Variants in STK32C observed in about 807,000 individuals in gnomAD.
STK32C encodes serine/threonine kinase 32C.
Under a neutral mutation model 56.5 loss-of-function variants are expected in STK32C, and 31 were observed. The ratio of observed to expected loss-of-function variants is 0.55; its 90% confidence interval spans 0.41 to 0.74. The LOEUF (loss-of-function observed/expected upper bound fraction) is 0.74. Among genes scored for constraint, STK32C ranks in the 30% least tolerant of loss-of-function variants. The pLI is 0.00. For synonymous variants in STK32C, 309 were observed against 289.4 expected (o/e 1.07, Z -0.69); for missense variants, 544 against 676.9 (o/e 0.80, Z 2.18).
chr10:132,269,309 G>C (rs751289499), intron 1 of STK32C, among the ~76,000 whole-genome samples: 2 of 152,236 alleles, frequency 1.3e-5, no homozygotes, highest in Non-Finnish European at 2.9e-5. Context: ...CAAGTGAGCT[G>C]ATTACGTGCC....
chr10:132,223,077 G>A (rs2062741475), intron 8 of STK32C, 91 bp from the exon 9 acceptor site: 3 of 1,470,476 alleles, frequency 2.0e-6, no homozygotes, highest in Admixed American at 4.3e-5. Context: ...CCTTGAGGAG[G>A]GTCCCACCAA....
chr10:132,273,955 C>A (rs1343466623), intron 1 of STK32C, among the ~76,000 whole-genome samples: 1 of 152,226 alleles, frequency 6.6e-6, no homozygotes, highest in African/African-American at 2.4e-5. Flanking sequence ...GCCAACTGCG[C>A]TTCTGACTTC....
At chr10:132,277,215 C>A (rs74161763) in intron 1 of STK32C, among the ~76,000 whole-genome samples, 11,949 of 152,314 alleles carry the variant, frequency 0.078, 739 homozygotes, top group African/African-American at 0.17. Context: ...ACCATCAAAA[C>A]CACCGAAGAC....
chr10:132,224,434 G>A lies in STK32C; in HGVS notation c.966C>T (p.Ser322=), dbSNP rs775169222. The A allele has an allele frequency of 1.3e-6, 2 of 1,556,212 alleles. No homozygotes were observed. The highest frequency in any genetic ancestry group is 2.4e-5 in the East Asian group (1 of 41,550). Residue 322 remains serine, a synonymous_variant, in exon 8 of 12, where the codon TCC becomes TCT. Coordinates refer to ENST00000298630, the MANE Select transcript of STK32C (RefSeq NM_173575.4). ...TVSVQYVPTW[S]KEMVALLRKL... is the part of the protein sequence containing the mutation. ...TCCGCAGCAAGGCCACCATCTCCTT[G>A]GACCACGTGGGGACATACTGGACGC... is the stretch of plus-strand genomic sequence containing the variant.
At chr10:132,228,610 G>A (rs966074617) in intron 2 of STK32C, among the ~76,000 whole-genome samples, 2 of 152,218 alleles carry the variant, frequency 1.3e-5, no homozygotes, top group East Asian at 1.9e-4. Context: ...CACCAGCCAC[G>A]ACCTGGGCAT....
chr10:132,318,354 G>T (rs2066346541), intron 1 of STK32C, among the ~76,000 whole-genome samples: 1 of 151,800 alleles, frequency 6.6e-6, no homozygotes, highest in Admixed American at 6.6e-5. Context: ...GGTGGCTCAC[G>T]CTTGTAATCC....
At chr10:132,247,095 G>C (rs1027312817) in intron 1 of STK32C, among the ~76,000 whole-genome samples, 1 of 152,220 alleles carries the variant, frequency 6.6e-6, no homozygotes, top group African/African-American at 2.4e-5. Context: ...AGGCAGGGAA[G>C]ACACAGCCAA....
chr10:132,295,554 G>C (rs907150818), intron 1 of STK32C, among the ~76,000 whole-genome samples: 1 of 152,174 alleles, frequency 6.6e-6, no homozygotes, highest in Non-Finnish European at 1.5e-5. Flanking sequence ...TCAATGACGG[G>C]GTAACAGAAT....
intron 1 of STK32C, among the ~76,000 whole-genome samples, chr10:132,301,105 G>C (rs1229995713): frequency 6.7e-6 from 1 of 149,356 alleles, no homozygotes; most frequent in East Asian, 2.0e-4. Context: ...ACTAACACGA[G>C]GTCCGATTCA....
chr10:132,299,154 A>G (rs2065840898), intron 1 of STK32C, among the ~76,000 whole-genome samples: 1 of 149,556 alleles, frequency 6.7e-6, no homozygotes, highest in African/African-American at 2.5e-5. Flanking sequence ...TAGCTGATCC[A>G]CCAGCCAACA....
At chr10:132,225,367 C>T (rs2062850960) in intron 6 of STK32C, 31 bp from the exon 7 acceptor site, 1 of 1,596,004 alleles carries the variant, frequency 6.3e-7, no homozygotes, top group Non-Finnish European at 8.5e-7. Flanking sequence ...AAAACAGCTG[C>T]CACGGGGTCA....
At chr10:132,300,233 G>A (rs1296648351) in intron 1 of STK32C, among the ~76,000 whole-genome samples, 5 of 152,308 alleles carry the variant, frequency 3.3e-5, no homozygotes, top group South Asian at 2.1e-4. Context: ...GAATGTGCTC[G>A]GTTCCTATTT....
intron 1 of STK32C, among the ~76,000 whole-genome samples, chr10:132,256,931 G>C (rs1036346741): frequency 1.3e-5 from 2 of 152,196 alleles, no homozygotes; most frequent in East Asian, 1.9e-4. Flanking sequence ...CTAGCCAGTG[G>C]GGGGGACGCT....
chr10:132,331,576 G>C lies in STK32C; in HGVS notation c.161C>G (p.Pro54Arg), dbSNP rs115195531. 8.1e-4 allele frequency: 1,299 copies of C among 1,612,934 alleles called. 8 individuals carry two copies. The African/African-American group carries it at 0.015, about 19-fold the overall frequency. ...GCAGCTCCTGTGGGAAGTGGCTCCA[G>C]GAAGCCCCAGGAGAGACGCGGGGAG... Residue 54 changes from proline to arginine, a missense_variant, in exon 1 of 2, where the codon CCT becomes CGT. Transcript: ENST00000368619.
intron 10 of STK32C, among the ~76,000 whole-genome samples, chr10:132,214,720 T>G (rs765399823): frequency 1.8e-4 from 28 of 152,190 alleles, no homozygotes; most frequent in Admixed American, 1.6e-3. Flanking sequence ...ATGACAGCAA[T>G]GTCATCAGGA....
At chr10:132,320,527 C>G (rs931523316), downstream of STK32C, among the ~76,000 whole-genome samples, 2 of 152,056 alleles carry the variant, frequency 1.3e-5, no homozygotes, top group African/African-American at 4.8e-5. Flanking sequence ...TGAGGTCCCA[C>G]CCCCGCAGAG....
At chr10:132,226,598 GGA>G (rs1235459619) in intron 4 of STK32C, among the ~76,000 whole-genome samples, 195 bp downstream of exon 4, 50 of 152,324 alleles carry the variant, frequency 3.3e-4, no homozygotes, top group African/African-American at 1.2e-3. Flanking sequence ...CCCCCCAGAT[GGA>G]CACCAGGCAC....
At chr10:132,249,725 G>A (rs981749768) in intron 1 of STK32C, among the ~76,000 whole-genome samples, 27 of 152,184 alleles carry the variant, frequency 1.8e-4, no homozygotes, top group African/African-American at 6.3e-4. Flanking sequence ...ATGCCCTCCC[G>A]ACCCCAGCCC....
At chr10:132,217,650 G>T (rs1048244261) in intron 10 of STK32C, among the ~76,000 whole-genome samples, 1 of 152,128 alleles carries the variant, frequency 6.6e-6, no homozygotes, top group Non-Finnish European at 1.5e-5. Flanking sequence ...CCTGGTGGGA[G>T]GTGATTGAAT....
Sources: gnomAD v4.1 joint callset for allele counts (sites outside exome capture counted in the v4.1 genomes callset) on GRCh38, gnomAD v4.1.1 for gene constraint, MANE v1.5 for transcripts, NCBI Gene and HGNC (gene_info 2026-07-23, HGNC 2026-07-21) for gene names.